The following EMC4 variants were observed in gnomAD, a reference collection of about 807,000 sequenced individuals.
EMC4 encodes ER membrane protein complex subunit 4.
Under a neutral mutation model 24.2 loss-of-function variants are expected in EMC4, and 9 were observed. The observed-to-expected ratio is 0.37, with a 90% CI of 0.22 to 0.65. EMC4 has a LOEUF of 0.65. Ranked by LOEUF, EMC4 falls within the 30% of genes least tolerant of loss-of-function variation. The probability of loss-of-function intolerance (pLI) is 0.59; values close to 1 mark genes in which losing one functional copy is unlikely to be tolerated. For synonymous variants in EMC4, 86 were observed against 81.1 expected, an observed-to-expected ratio of 1.06 and a Z score of -0.32; for missense variants, 169 against 234.6, an observed-to-expected ratio of 0.72 and a Z score of 1.83.
rs772694185 is a variant in EMC4 at position 34,225,076 on chromosome 15, G to C, written c.-39G>C. On this transcript the variant is annotated 5_prime_UTR_variant, in exon 1 of 5. Coordinates refer to ENST00000267750, the MANE Select transcript of EMC4 (RefSeq NM_016454.4). Reference sequence around the variant, plus strand: ...TGGGCCTGTTGTGGAGTACGCTTTGGACTGAGAAGCATCGAGGCTATAGGA... The same window carrying C: ...TGGGCCTGTTGTGGAGTACGCTTTGCACTGAGAAGCATCGAGGCTATAGGA... The C allele has an allele frequency of 2.6e-6, 4 of 1,513,472 alleles. No homozygotes were observed. The highest frequency in any genetic ancestry group is 3.6e-6 in the Non-Finnish European group (4 of 1,112,322). The allele number at this position is 1,513,472 out of a possible 1,614,324, so 93.8% of individuals were successfully genotyped here.
rs2705105 is a variant in EMC4, at chr15:34,228,601, G to C, written c.516+12G>C. On this transcript the variant is annotated intron_variant, in intron 4 of 4. Transcript: ENST00000267750. ...TTGAGCCCCCTGAGGTAAGGCAAAA[G>C]AAAAGCTGAATTTTGGGTAGTTGTA... is the stretch of plus-strand genomic sequence containing the variant. The C allele has an allele frequency of 1.3e-6, 2 of 1,580,260 alleles. No individual in the cohort carries two copies. The highest frequency in any genetic ancestry group is 1.7e-6 in the Non-Finnish European group (2 of 1,160,958).
chr15:34,225,584 C>T lies in EMC4; in HGVS notation c.135C>T (p.Val45=). 6.2e-7 allele frequency: 1 copy of T among 1,614,106 alleles called. No individual in the cohort carries two copies. The highest frequency in any genetic ancestry group is 8.5e-7 in the Non-Finnish European group (1 of 1,180,030). The change falls in exon 2 of 5, where the codon GTC becomes GTT. Residue 45 remains valine (V), a synonymous_variant. Transcript: ENST00000267750. ...GSGQGDSLYP[V]GYLDKQVPDT... ...GCCAGGGAGACTCGCTCTACCCAGT[C>T]GGTTACTTGGACAAGCAAGTGCCTG...
At position 34,229,925 on chromosome 15, in the gene EMC4, G is replaced by C. The variant is rs1178540607; in HGVS notation, c.*137G>C. On this transcript the variant is annotated 3_prime_UTR_variant, in exon 5 of 5. Coordinates refer to ENST00000267750, the MANE Select transcript of EMC4 (RefSeq NM_016454.4). ...CCAAAAGACTCTTTTCTCCATGGTG[G>C]GGTGACAGGTCCTAGAAGGACAATG... The C allele has an allele frequency of 3.8e-6, 3 of 799,272 alleles. No individual in the cohort carries two copies. In the African/African-American group the frequency reaches 5.2e-5, roughly 14 times the overall value. 49.5% of individuals were successfully genotyped at this position (799,272 alleles called of 1,614,324 possible).
intron 2 of EMC4, chr15:34,226,698 C>G (rs189989762): frequency 2.0e-5 from 3 of 152,108 alleles, no homozygotes; most frequent in South Asian, 2.1e-4. Context: ...CCCACCACCA[C>G]GTCCAGCTAA....
chr15:34,229,622 C>G (rs1890782302), intron 4 of EMC4, 131 bp from the exon 5 acceptor site: 2 of 652,936 alleles, frequency 3.1e-6, no homozygotes, highest in Non-Finnish European at 5.4e-6. Flanking sequence ...AGCTACTGCG[C>G]CTGGCCTGGA....
chr15:34,230,059 A>C lies in EMC4; in HGVS notation c.*271A>C, dbSNP rs371851468. 2.3e-6 allele frequency: 1 copy of C among 438,182 alleles called. No individual in the cohort carries two copies. The highest frequency in any genetic ancestry group is 4.0e-6 in the Non-Finnish European group (1 of 248,210). The allele number at this position is 438,182 out of a possible 1,614,324, so 27.1% of individuals were successfully genotyped here. On this transcript the variant is annotated 3_prime_UTR_variant, in exon 5 of 5. Transcript: ENST00000267750. ...CAGAGCAAAACAACAACAAAAAAAC[A>C]TAACTATGTAAACAAGAGAATAACT...
chr15:34,229,909 T>TAAGA lies in EMC4; in HGVS notation c.*121_*122insAAGA, dbSNP rs758152820. 8.3e-6 allele frequency: 6 copies of TAAGA among 722,070 alleles called. No individual in the cohort carries two copies. Among genetic ancestry groups the TAAGA allele is most frequent in the African/African-American group, 2.1e-5 (1 of 47,504 alleles). 44.7% of individuals were successfully genotyped at this position (722,070 alleles called of 1,614,324 possible). A position where few individuals can be genotyped will look rare whatever the true frequency, so the allele number is the denominator to read the frequency against. ...CTTATGTTAAAAAGAACCAAAAGAC[T>TAAGA]CTTTTCTCCATGGTGGGGTGACAGG... On this transcript the variant is annotated 3_prime_UTR_variant, in exon 5 of 5. Coordinates refer to ENST00000267750, the MANE Select transcript of EMC4 (RefSeq NM_016454.4).
rs1302858594 is a variant in EMC4 at position 34,225,119 on chromosome 15, C to T, written c.5C>T (p.Thr2Met). 6.4e-6 allele frequency: 10 copies of T among 1,551,622 alleles called. No individual in the cohort carries two copies. The South Asian group carries it at 1.1e-4, about 17-fold the overall frequency. Reference sequence around the variant, plus strand: ...CTATAGGACGCAGCTGTTGCCATGACGGCCCAGGGGGGCCTGGTGGCTAAC... The same window carrying T: ...CTATAGGACGCAGCTGTTGCCATGATGGCCCAGGGGGGCCTGGTGGCTAAC... M[T>M]AQGGLVANRG... Residue 2 changes from threonine to methionine, a missense_variant, in exon 1 of 5, where the codon ACG becomes ATG. Coordinates refer to ENST00000267750, the MANE Select transcript of EMC4 (RefSeq NM_016454.4).
intron 1 of EMC4, 103 bp downstream of exon 1, chr15:34,225,303 C>T: frequency 9.6e-7 from 1 of 1,044,786 alleles, no homozygotes. Context: ...ATGGGTGGCA[C>T]ACAGACATCA....
At position 34,225,197 on chromosome 15, in the gene EMC4, G is replaced by A; in HGVS notation, c.83G>A (p.Ser28Asn). The A allele has an allele frequency of 6.5e-7, 1 of 1,549,576 alleles. No homozygotes were observed. ...GAGCTAAGCGGGCCTGGAGGAGGCA[G>A]CAGGTGAGGCACCTGGGCAAGCTGT... ...AIELSGPGGG[S>N]RGRSDRGSGQ... Residue 28 changes from serine to asparagine, a missense_variant, in exon 1 of 5, where the codon AGC becomes AAC. Transcript: ENST00000267750.
At chr15:34,228,117 A>G (rs767698324) in intron 3 of EMC4, 3 of 452,856 alleles carry the variant, frequency 6.6e-6, no homozygotes, top group Non-Finnish European at 1.2e-5. Flanking sequence ...TGGGAGGCAG[A>G]GGTTGCAGTG....
chr15:34,228,699 T>C (rs1287020341), intron 4 of EMC4, 110 bp downstream of exon 4: 11 of 1,067,772 alleles, frequency 1.0e-5, no homozygotes, highest in Non-Finnish European at 1.5e-5. Context: ...TTTTTTTTTT[T>C]TTTTTTTTTT....
At chr15:34,226,114 A>C in intron 2 of EMC4, 1 of 290,262 alleles carries the variant, frequency 3.4e-6, no homozygotes, top group South Asian at 3.3e-5. Context: ...CTGGTCTTGA[A>C]CTCCTGACCT....
rs1228572428 is a variant in EMC4, at chr15:34,229,993, G to A, written c.*205G>A. ...ACAAAGAAACTATACCATAACCCAA[G>A]GCTGAAAATAATGTAGAAAACTTTA... On this transcript the variant is annotated 3_prime_UTR_variant, in exon 5 of 5. Transcript: ENST00000267750. The A allele has an allele frequency of 1.7e-5, 10 of 592,340 alleles. No homozygotes were observed. The highest frequency in any genetic ancestry group is 3.0e-5 in the Non-Finnish European group (10 of 337,000). 36.7% of individuals were successfully genotyped at this position (592,340 alleles called of 1,614,324 possible). A position where few individuals can be genotyped will look rare whatever the true frequency, so the allele number is the denominator to read the frequency against.
rs1260926700 is a variant in EMC4 at position 34,225,063 on chromosome 15, G to A, written c.-52G>A. The A allele has an allele frequency of 1.0e-5, 15 of 1,440,606 alleles. No individual in the cohort carries two copies. Among genetic ancestry groups the A allele is most frequent in the South Asian group, 7.3e-5 (6 of 81,916 alleles). The allele number at this position is 1,440,606 out of a possible 1,614,324, so 89.2% of individuals were successfully genotyped here. On this transcript the variant is annotated 5_prime_UTR_variant, in exon 1 of 5. Coordinates refer to ENST00000267750, the MANE Select transcript of EMC4 (RefSeq NM_016454.4). The stretch of plus-strand genomic sequence containing the variant: ...CGGAGAACGCTGGTGGGCCTGTTGT[G>A]GAGTACGCTTTGGACTGAGAAGCAT...
Position 34,228,522 on chromosome 15 carries a change from A to C in EMC4, c.449A>C (p.Lys150Thr), listed in dbSNP as rs1484909769. The change falls in exon 4 of 5, where the codon AAG becomes ACG. Residue 150 changes from lysine (K) to threonine (T), a missense_variant. By Grantham distance (78) the Lys-to-Thr change is moderately conservative. Coordinates refer to ENST00000267750, the MANE Select transcript of EMC4 (RefSeq NM_016454.4). ...ATGGGTTTGGCATTGGCTGTTTACA[A>C]GTGCCAGTCCATGGGACTGTTACCT... ...NLMGLALAVY[K>T]CQSMGLLPTH... 6.2e-7 allele frequency: 1 copy of C among 1,614,116 alleles called. No individual in the cohort carries two copies. Among genetic ancestry groups the C allele is most frequent in the Non-Finnish European group, 8.5e-7 (1 of 1,180,014 alleles).
chr15:34,229,534 T>C (rs1890775941), intron 4 of EMC4: 1 of 486,100 alleles, frequency 2.1e-6, no homozygotes, highest in Non-Finnish European at 3.6e-6. Flanking sequence ...GGTTTTGCCA[T>C]GTTGCCCAGG....
Position 34,229,860 on chromosome 15 carries a change from C to T in EMC4, c.*72C>T. 2 of 1,386,588 alleles carry T rather than the reference C, an allele frequency of 1.4e-6. No homozygotes were observed. The highest frequency in any genetic ancestry group is 2.1e-6 in the Non-Finnish European group (2 of 972,970). The allele number at this position is 1,386,588 out of a possible 1,614,324, so 85.9% of individuals were successfully genotyped here. ...CATCCTTCTTTAAGCCCAGTGGCTC[C>T]TCAGCATACTCTTAAACTAATCACT... is the stretch of plus-strand genomic sequence containing the variant. On this transcript the variant is annotated 3_prime_UTR_variant, in exon 5 of 5. Transcript: ENST00000267750.
intron 4 of EMC4, chr15:34,228,964 A>G: frequency 5.1e-6 from 1 of 197,726 alleles, no homozygotes. Flanking sequence ...CTAGGATTAC[A>G]GGCGTGAGCC....
Sources: gnomAD v4.1 joint callset for allele counts on GRCh38, gnomAD v4.1.1 for gene constraint, MANE v1.5 for transcripts, NCBI Gene and HGNC (gene_info 2026-07-23, HGNC 2026-07-21) for gene names.